DUSP29: variants seen among roughly 807,000 people sequenced by gnomAD.
DUSP29 encodes dual specificity phosphatase 29, also known as atypical dual-specific protein phosphatase.
DUSP29 carries 12 observed loss-of-function variants against 13.5 expected under a neutral mutation model. That is an observed-to-expected ratio of 0.89 (90% CI 0.57 to 1.44). The LOEUF is 1.44. DUSP29 is among the 40% of genes most tolerant of loss of function. The probability of loss-of-function intolerance (pLI) is 0.00; values close to 1 mark genes in which losing one functional copy is unlikely to be tolerated. For synonymous variants in DUSP29, 134 were observed against 128.7 expected (o/e 1.04, Z -0.28); for missense variants, 308 against 301.1 (o/e 1.02, Z -0.17).
chr10:75,073,210 C>G lies in DUSP29; in HGVS notation c.-35+359G>C, dbSNP rs558816034. Among the ~76,000 whole-genome samples, 3 of 152,264 alleles carry G rather than the reference C, an allele frequency of 2.0e-5. No individual in the cohort carries two copies. The East Asian group carries it at 5.8e-4, about 29-fold the overall frequency. ...TCCAGGGCCTCTCTCTCTCTCGCCCCCGAGATTTCTCCCCCTTTACTGGCT... is the reference window on the plus strand; with the variant it reads ...TCCAGGGCCTCTCTCTCTCTCGCCCGCGAGATTTCTCCCCCTTTACTGGCT... On this transcript the variant is annotated intron_variant, in intron 1 of 3. Transcript: ENST00000338487.
At chr10:75,054,846 C>A (rs1407399870) in intron 2 of DUSP29, among the ~76,000 whole-genome samples, 2 of 147,634 alleles carry the variant, frequency 1.4e-5, no homozygotes, top group African/African-American at 2.5e-5. Flanking sequence ...GCATATGTTA[C>A]TTTTTTTTTT....
intron 2 of DUSP29, among the ~76,000 whole-genome samples, chr10:75,057,376 G>C (rs561991253): frequency 6.6e-6 from 1 of 152,340 alleles, no homozygotes; most frequent in African/African-American, 2.4e-5. Flanking sequence ...CATGGCTGGA[G>C]TCCGGGAGAG....
At chr10:75,044,155 TCTG>T (rs1263573104) in intron 2 of DUSP29, 138 bp from the exon 3 acceptor site, 3 of 841,930 alleles carry the variant, frequency 3.6e-6, no homozygotes, top group Non-Finnish European at 3.6e-6. Context: ...GTCCCAAAGC[TCTG>T]CTCTTACCCG....
At position 75,043,893 on chromosome 10, in the gene DUSP29, G is replaced by A. The variant is rs1846645641; in HGVS notation, c.325C>T (p.His109Tyr). 2 of 1,614,054 alleles carry A rather than the reference G, an allele frequency of 1.2e-6. No homozygotes were observed. The highest frequency in any genetic ancestry group is 1.1e-5 in the South Asian group (1 of 91,084). Residue 109 changes from histidine to tyrosine, a missense_variant, in exon 3 of 4, where the codon CAC becomes TAC. Transcript: ENST00000338487. Reference sequence around the variant, plus strand: ...GGCAGGTCGTCGGCCTCCACGCCGTGGTACTGGATGTCCATGTCGCGGTAG... The same window carrying A: ...GGCAGGTCGTCGGCCTCCACGCCGTAGTACTGGATGTCCATGTCGCGGTAG... ...DYYRDMDIQY[H>Y]GVEADDLPTF...
intron 1 of DUSP29, among the ~76,000 whole-genome samples, chr10:75,063,462 G>A (rs1320032451): frequency 2.0e-5 from 3 of 152,068 alleles, no homozygotes; most frequent in African/African-American, 7.2e-5. Context: ...CAGGCCTGCA[G>A]TATGTGGAGT....
chr10:75,070,245 A>G (rs1295560526), intron 1 of DUSP29, among the ~76,000 whole-genome samples: 1 of 152,160 alleles, frequency 6.6e-6, no homozygotes, highest in Non-Finnish European at 1.5e-5. Context: ...TAAAGGGTGC[A>G]AATAGGACTC....
rs1203680166 is a variant in DUSP29 at position 75,058,336 on chromosome 10, G to C, written c.179C>G (p.Pro60Arg). 2.5e-6 allele frequency: 4 copies of C among 1,613,866 alleles called. No individual in the cohort carries two copies. Among genetic ancestry groups the C allele is most frequent in the Non-Finnish European group, 3.4e-6 (4 of 1,179,994 alleles). Residue 60 changes from proline (P) to arginine (R), a missense_variant, in exon 2 of 4, where the codon CCC becomes CGC. Pro to Arg is a moderately radical substitution (Grantham distance 103). Transcript: ENST00000338487. ...TTACTCATCGCCAATGTAGAGCTTG[G>C]GCCAGACCTCGTTGACGTGGGTGTA... ...PQYTHVNEVW[P>R]KLYIGDEATA...
chr10:75,048,033 C>T (rs1452970816), intron 2 of DUSP29, among the ~76,000 whole-genome samples: 1 of 152,126 alleles, frequency 6.6e-6, no homozygotes, highest in Non-Finnish European at 1.5e-5. Flanking sequence ...ATAGGTATGT[C>T]CCAATTTTTT....
intron 2 of DUSP29, among the ~76,000 whole-genome samples, chr10:75,051,331 G>A (rs1398660308): frequency 6.6e-6 from 1 of 152,210 alleles, no homozygotes; most frequent in Non-Finnish European, 1.5e-5. Flanking sequence ...AATGTACTGG[G>A]CACCGTGAGA....
chr10:75,049,787 C>T (rs114703581), intron 2 of DUSP29, among the ~76,000 whole-genome samples: 4,387 of 152,220 alleles, frequency 0.029, 138 homozygotes, highest in East Asian at 0.079. Context: ...TTCCCAGGCT[C>T]TCAACGCCAG....
rs1200680310 is a variant in DUSP29 at position 75,047,185 on chromosome 10, G to A, written c.201-3168C>T. Among the ~76,000 whole-genome samples the A allele has an allele frequency of 4.6e-5, 7 of 152,324 alleles. No homozygotes were observed. In the South Asian group the frequency reaches 1.0e-3, roughly 23 times the overall value. ...TTTTCAGGGTCTTGGCTCCCTGGAC[G>A]GGAAGGGGAGTTGGTATCCTCACAC... is the stretch of plus-strand genomic sequence containing the variant. On this transcript the variant is annotated intron_variant, in intron 2 of 3. Transcript: ENST00000338487.
intron 2 of DUSP29, among the ~76,000 whole-genome samples, chr10:75,051,480 G>A (rs533714009): frequency 3.3e-4 from 51 of 152,302 alleles, no homozygotes; most frequent in African/African-American, 8.7e-4. Context: ...ATGCTTGGCC[G>A]CTCCACCTAT....
intron 1 of DUSP29, among the ~76,000 whole-genome samples, chr10:75,063,281 G>A (rs999789578): frequency 1.6e-4 from 25 of 152,236 alleles, no homozygotes; most frequent in Admixed American, 4.6e-4. Flanking sequence ...CCCTGTAATC[G>A]ATGCTATTCT....
chr10:75,063,384 C>T (rs1240484294), intron 1 of DUSP29, among the ~76,000 whole-genome samples: 1 of 150,824 alleles, frequency 6.6e-6, no homozygotes, highest in Admixed American at 6.6e-5. Flanking sequence ...TCTTTATATA[C>T]ATAAAAGCCT....
At chr10:75,050,462 G>A (rs1846802233) in intron 2 of DUSP29, among the ~76,000 whole-genome samples, 1 of 152,262 alleles carries the variant, frequency 6.6e-6, no homozygotes, top group African/African-American at 2.4e-5. Context: ...TAAAACAAGT[G>A]TGTGCTTGAA....
chr10:75,039,332 C>T (rs1846536753), intron 3 of DUSP29, among the ~76,000 whole-genome samples: 1 of 152,116 alleles, frequency 6.6e-6, no homozygotes, highest in Admixed American at 6.5e-5. Flanking sequence ...TGGTTAAAGC[C>T]TGGCCAACAT....
At chr10:75,044,041 G>T in intron 2 of DUSP29, 24 bp from the exon 3 acceptor site, 1 of 1,592,274 alleles carries the variant, frequency 6.3e-7, no homozygotes, top group Non-Finnish European at 8.5e-7. Flanking sequence ...AGAGAAATCT[G>T]TGGGCGCGCG....
chr10:75,049,311 C>T (rs1220807562), intron 2 of DUSP29, among the ~76,000 whole-genome samples: 1 of 152,198 alleles, frequency 6.6e-6, no homozygotes, highest in Non-Finnish European at 1.5e-5. Flanking sequence ...CCCCACTCTC[C>T]CAAACTCTAT....
intron 1 of DUSP29, among the ~76,000 whole-genome samples, chr10:75,061,388 G>C (rs1156568501): frequency 6.6e-6 from 1 of 152,154 alleles, no homozygotes; most frequent in Non-Finnish European, 1.5e-5. Flanking sequence ...GCTTCCTGGT[G>C]AAGTGTGGAG....
Sources: allele counts gnomAD v4.1 joint callset (sites outside exome capture counted in the v4.1 genomes callset), GRCh38; gene constraint gnomAD v4.1.1; transcripts MANE v1.5; gene names NCBI Gene and HGNC (gene_info 2026-07-23, HGNC 2026-07-21).